Variants in RBM19 observed in about 807,000 individuals in gnomAD.
The protein encoded by RBM19 is probable RNA-binding protein 19.
A neutral mutation model predicts 116.8 loss-of-function variants in RBM19; 94 were observed. The observed-to-expected ratio is 0.80, with a 90% CI of 0.68 to 0.95. The LOEUF (loss-of-function observed/expected upper bound fraction) is 0.95, where lower values mean the gene tolerates loss of function less well. Among genes scored for constraint, RBM19 ranks in the 40% least tolerant of loss-of-function variants. The probability of loss-of-function intolerance (pLI) is 0.00; values close to 1 mark genes in which losing one functional copy is unlikely to be tolerated. For missense variants in RBM19, 1,161 were observed against 1,220.7 expected, an observed-to-expected ratio of 0.95 and a Z score of 0.73; for synonymous variants, 475 against 494.1, an observed-to-expected ratio of 0.96 and a Z score of 0.51.
chr12:113,963,018 C>T (rs185867159), intron 1 of RBM19, among the ~76,000 whole-genome samples: 127 of 152,192 alleles, frequency 8.3e-4, no homozygotes, highest in Admixed American at 7.7e-3. Flanking sequence ...AGATGCTATG[C>T]TATTGGCTCC....
intron 23 of RBM19, among the ~76,000 whole-genome samples, chr12:113,828,061 T>C (rs1007198564): frequency 1.6e-5 from 2 of 124,898 alleles, no homozygotes; most frequent in Non-Finnish European, 3.2e-5. Flanking sequence ...CCCTCCTCTA[T>C]AACACGATGA....
intron 21 of RBM19, among the ~76,000 whole-genome samples, chr12:113,889,801 CAT>C (rs982680386): frequency 2.0e-5 from 3 of 151,832 alleles, no homozygotes; most frequent in African/African-American, 7.3e-5. Flanking sequence ...GAAAGAAACA[CAT>C]GTGGAACGAT....
At chr12:113,862,554 A>G (rs1878482519) in intron 21 of RBM19, among the ~76,000 whole-genome samples, 1 of 152,252 alleles carries the variant, frequency 6.6e-6, no homozygotes, top group South Asian at 2.1e-4. Flanking sequence ...CTTATCTGAC[A>G]GCAAGGTCTA....
Position 113,962,355 on chromosome 12 carries a change from G to A in RBM19, c.96C>T (p.Ser32=). 1 of 1,614,212 alleles carries A rather than the reference G, an allele frequency of 6.2e-7. No homozygotes were observed. The highest frequency in any genetic ancestry group is 8.5e-7 in the Non-Finnish European group (1 of 1,180,016). ...ACTTGCCATCTTTGGTGAACTTCAG[G>A]CTGCAGTCTGTCAGCGTGCCGAAGG... is the stretch of plus-strand genomic sequence containing the variant. ...FAAFGTLTDC[S]LKFTKDGKFR... Residue 32 remains serine (S), a synonymous_variant, in exon 2 of 24, where the codon AGC becomes AGT. Coordinates refer to ENST00000261741, the MANE Select transcript of RBM19 (RefSeq NM_016196.4).
intron 17 of RBM19, 142 bp from the exon 18 acceptor site, chr12:113,924,899 CCTT>C: frequency 1.4e-6 from 1 of 690,200 alleles, no homozygotes; most frequent in Non-Finnish European, 2.6e-6. Context: ...GTGATGACCT[CCTT>C]TAAGTAACCT....
chr12:113,953,165 CA>C (rs1432381488), intron 7 of RBM19, among the ~76,000 whole-genome samples: 26 of 152,120 alleles, frequency 1.7e-4, no homozygotes, highest in Non-Finnish European at 7.4e-5. Context: ...GAAAAAAGGG[CA>C]AAAGACATGA....
At chr12:113,842,220 A>G (rs987734676) in intron 23 of RBM19, among the ~76,000 whole-genome samples, 5 of 151,544 alleles carry the variant, frequency 3.3e-5, no homozygotes, top group African/African-American at 1.2e-4. Flanking sequence ...AACTCAATTT[A>G]TTGAAGGGGG....
intron 21 of RBM19, among the ~76,000 whole-genome samples, chr12:113,896,291 G>C (rs557262601): frequency 4.6e-5 from 7 of 152,318 alleles, no homozygotes; most frequent in Admixed American, 1.3e-4. Context: ...GCTTGCCCCA[G>C]AGCAGGGAAA....
intron 2 of RBM19, 95 bp downstream of exon 2, chr12:113,962,137 T>C: frequency 7.0e-7 from 1 of 1,430,938 alleles, no homozygotes; most frequent in Non-Finnish European, 9.7e-7. Flanking sequence ...CATCACAAAG[T>C]GAAGAGGGAC....
Position 113,903,751 on chromosome 12 carries a change from C to T in RBM19, c.2558+11218G>A, listed in dbSNP as rs1021904368. 2.6e-5 allele frequency among the ~76,000 whole-genome samples: 4 copies of T among 152,216 alleles called. No homozygotes were observed. The highest frequency in any genetic ancestry group is 9.7e-5 in the African/African-American group (4 of 41,440). On this transcript the variant is annotated intron_variant, in intron 21 of 23. Coordinates refer to ENST00000261741, the MANE Select transcript of RBM19 (RefSeq NM_016196.4). The surrounding 1 kb of genome is among the most constrained non-coding windows in gnomAD (Gnocchi z 5.1). ...GTGAGTCAGAGCCCTGAATATTCCT[C>T]TTGGGCATTCCTTTTGTAGGCTGGC...
chr12:113,875,712 A>G (rs953713270), intron 21 of RBM19, among the ~76,000 whole-genome samples: 5 of 152,238 alleles, frequency 3.3e-5, no homozygotes, highest in African/African-American at 1.2e-4. Flanking sequence ...ATCAATGGTC[A>G]GGAGGCCCCT....
intron 7 of RBM19, 86 bp downstream of exon 7, chr12:113,955,045 C>A: frequency 1.5e-6 from 2 of 1,320,662 alleles, no homozygotes; most frequent in Non-Finnish European, 2.2e-6. Flanking sequence ...GACTCTAATG[C>A]CCCCATGCAC....
rs372419675 is a variant in RBM19, at chr12:113,847,508, T to A, written c.2665-2720A>T. Among the ~76,000 whole-genome samples, 15 of 151,634 alleles carry A rather than the reference T, an allele frequency of 9.9e-5. No individual in the cohort carries two copies. The East Asian group carries it at 1.6e-3, about 16-fold the overall frequency. On this transcript the variant is annotated intron_variant, in intron 22 of 23. Coordinates refer to ENST00000261741, the MANE Select transcript of RBM19 (RefSeq NM_016196.4). ...TGGCGAGGCAGAGAAATGGCTTGACTGGGGGAGCTGGGGTTTTAAGATGGG... is the reference window on the plus strand; with the variant it reads ...TGGCGAGGCAGAGAAATGGCTTGACAGGGGGAGCTGGGGTTTTAAGATGGG...
intron 23 of RBM19, among the ~76,000 whole-genome samples, chr12:113,829,917 G>C (rs1875224271): frequency 6.6e-6 from 1 of 152,246 alleles, no homozygotes; most frequent in Non-Finnish European, 1.5e-5. Context: ...GCGAGCTGCA[G>C]GGACCACTCC....
At chr12:113,863,741 C>T (rs755770796) in intron 21 of RBM19, among the ~76,000 whole-genome samples, 2 of 152,176 alleles carry the variant, frequency 1.3e-5, no homozygotes, top group Non-Finnish European at 2.9e-5. Flanking sequence ...ATCAGAACAA[C>T]GGTGTGATCT....
intron 21 of RBM19, among the ~76,000 whole-genome samples, chr12:113,889,979 T>C (rs926436548): frequency 2.6e-5 from 4 of 152,032 alleles, no homozygotes; most frequent in African/African-American, 7.2e-5. Flanking sequence ...CCCAGCTCCC[T>C]GCTCCAAGGC....
At chr12:113,905,315 G>A (rs1366520711) in intron 21 of RBM19, among the ~76,000 whole-genome samples, 1 of 152,172 alleles carries the variant, frequency 6.6e-6, no homozygotes, top group East Asian at 1.9e-4. Context: ...ACAGTCACCT[G>A]ATCTATGACA....
intron 14 of RBM19, 46 bp from the exon 15 acceptor site, chr12:113,940,206 G>C (rs1185402997): frequency 6.4e-7 from 1 of 1,574,150 alleles, no homozygotes; most frequent in South Asian, 1.1e-5. Flanking sequence ...GAGGGAGGAG[G>C]GTCCCCAGCT....
chr12:113,890,191 G>A (rs142713691), intron 21 of RBM19, among the ~76,000 whole-genome samples: 38 of 152,292 alleles, frequency 2.5e-4, no homozygotes, highest in African/African-American at 7.5e-4. Flanking sequence ...AGTCTTTTAC[G>A]GCCGCCTTCT....
Sources: gnomAD v4.1 joint callset for allele counts (sites outside exome capture counted in the v4.1 genomes callset) on GRCh38, gnomAD v4.1.1 for gene constraint, Gnocchi (gnomAD v3.1) non-coding constraint, MANE v1.5 for transcripts, NCBI Gene and HGNC (gene_info 2026-07-23, HGNC 2026-07-21) for gene names.